Variants in DOCK7 observed in about 807,000 individuals in gnomAD.
DOCK7 encodes the protein dedicator of cytokinesis protein 7.
In DOCK7, 138 loss-of-function variants were observed where a neutral mutation model predicts 271.0. The observed-to-expected ratio is 0.51, with a 90% CI of 0.44 to 0.59. The LOEUF is 0.59. DOCK7 is among the 20% of genes least tolerant of loss of function. The pLI, the probability that DOCK7 is intolerant of heterozygous loss-of-function variation, is 0.00. For missense variants in DOCK7, 2,066 were observed against 2,592.4 expected, an observed-to-expected ratio of 0.80 and a Z score of 4.41; for synonymous variants, 823 against 876.1, an observed-to-expected ratio of 0.94 and a Z score of 1.07.
At chr1:62,631,489 G>A in intron 10 of DOCK7, 84 bp from the exon 11 acceptor site, 4 of 1,217,574 alleles carry the variant, frequency 3.3e-6, no homozygotes, top group Non-Finnish European at 3.4e-6. Context: ...AAAGGAAAAG[G>A]ATGAGAAGTC....
chr1:62,667,491 CAG>C (rs908160760), intron 1 of DOCK7, among the ~76,000 whole-genome samples: 1 of 152,170 alleles, frequency 6.6e-6, no homozygotes. Flanking sequence ...TGGGTTGTAT[CAG>C]AGTGTTAGAA....
Position 62,577,344 on chromosome 1 carries a change from T to C in DOCK7, c.2030A>G (p.Asn677Ser). Residue 677 changes from asparagine to serine, a missense_variant, in exon 18 of 50, where the codon AAT (asparagine) becomes AGT (serine). Around this residue, in one of 2 missense-constraint regions of DOCK7, gnomAD observed 1,414 missense variants for 1,670.4 expected, o/e 0.85. Coordinates refer to ENST00000635253, the MANE Select transcript of DOCK7 (RefSeq NM_001367561.1). Reference sequence around the variant, plus strand: ...AAACTGGCCAGTCTTCAACCGTCCATTCTGAAGCATTGGTATCCACTTTTA... The same window carrying C: ...AAACTGGCCAGTCTTCAACCGTCCACTCTGAAGCATTGGTATCCACTTTTA... ...VGYTWIPMLQ[N>S]GRLKTGQFCL... 6.3e-7 allele frequency: 1 copy of C among 1,579,406 alleles called. No homozygotes were observed. Among genetic ancestry groups the C allele is most frequent in the Non-Finnish European group, 8.6e-7 (1 of 1,159,570 alleles).
intron 14 of DOCK7, among the ~76,000 whole-genome samples, chr1:62,615,627 A>C (rs1652343340): frequency 6.6e-6 from 1 of 151,786 alleles, no homozygotes; most frequent in Non-Finnish European, 1.5e-5. Context: ...AGTAACTCTA[A>C]TCTTTATGAT....
intron 15 of DOCK7, 103 bp downstream of exon 15, chr1:62,586,404 A>C (rs996471243): frequency 2.6e-6 from 2 of 764,310 alleles, no homozygotes; most frequent in East Asian, 2.7e-5. Flanking sequence ...TTGGTTTAAA[A>C]GATCACATTA....
chr1:62,490,186 C>T (rs1321348622), intron 41 of DOCK7, among the ~76,000 whole-genome samples: 3 of 151,426 alleles, frequency 2.0e-5, no homozygotes, highest in Admixed American at 2.0e-4. Flanking sequence ...TCCTCCCACC[C>T]CAGCCTCCTA....
intron 48 of DOCK7, among the ~76,000 whole-genome samples, chr1:62,472,460 T>TG (rs1645859665): frequency 2.0e-5 from 3 of 152,176 alleles, no homozygotes; most frequent in Non-Finnish European, 2.9e-5. Context: ...ATAGTAACAC[T>TG]TAAGGAGACC....
Position 62,457,653 on chromosome 1 carries a change from C to A in DOCK7, c.6265G>T (p.Glu2089Ter), listed in dbSNP as rs587777485. 1 of 1,614,050 alleles carries A rather than the reference C, an allele frequency of 6.2e-7. No individual in the cohort carries two copies. The highest frequency in any genetic ancestry group is 1.3e-5 in the African/African-American group (1 of 74,928). The change falls in exon 49 of 50, where the codon GAG (glutamate) becomes TAG (stop). Residue 2089 changes from glutamate to a stop codon, truncating the protein, a stop_gained. Coordinates refer to ENST00000635253, the MANE Select transcript of DOCK7 (RefSeq NM_001367561.1). LOFTEE classifies it high-confidence loss of function. ...NKSLIGPDQK[E>*]YQRELERNYH... ...TTTCTCTCCAGTTCCCTTTGATACT[C>A]CTTTTGATCCGGCCCAATTAAGCTC... is the stretch of plus-strand genomic sequence containing the variant.
Position 62,654,066 on chromosome 1 carries a change from T to C in DOCK7, c.238A>G (p.Ile80Val). Residue 80 changes from isoleucine to valine, a missense_variant, in exon 3 of 50, where the codon ATT (isoleucine) becomes GTT (valine). By Grantham distance (29) the Ile-to-Val change is conservative. Coordinates refer to ENST00000635253, the MANE Select transcript of DOCK7 (RefSeq NM_001367561.1). The part of the protein sequence containing the change: ...AVDSGPLRDL[I>V]EFPPDDIEVV... ...TCAATATCATCTGGAGGAAATTCAA[T>C]CAAATCCCGTAAAGGCCCAGAATCC... 1.2e-6 allele frequency: 2 copies of C among 1,613,922 alleles called. No individual in the cohort carries two copies. The highest frequency in any genetic ancestry group is 1.7e-5 in the Admixed American group (1 of 59,984).
chr1:62,534,072 T>C (rs144644123), intron 29 of DOCK7, among the ~76,000 whole-genome samples: 2,053 of 152,070 alleles, frequency 0.014, 30 homozygotes, highest in East Asian at 0.045. Flanking sequence ...GATCTTGGCT[T>C]ACTGCAACCT....
At chr1:62,679,102 T>C (rs551712174) in intron 1 of DOCK7, among the ~76,000 whole-genome samples, 1 of 152,176 alleles carries the variant, frequency 6.6e-6, no homozygotes, top group African/African-American at 2.4e-5. Context: ...GGACAATCCA[T>C]TTAGAAAAAA....
At chr1:62,604,419 T>G in intron 14 of DOCK7, 2 of 895,190 alleles carry the variant, frequency 2.2e-6, no homozygotes, top group Admixed American at 2.8e-5. Flanking sequence ...ATTTTACCTC[T>G]AATCTTCCTC....
At chr1:62,490,066 T>TC (rs972979483) in intron 41 of DOCK7, among the ~76,000 whole-genome samples, 1 of 150,344 alleles carries the variant, frequency 6.7e-6, no homozygotes, top group Non-Finnish European at 1.5e-5. Flanking sequence ...TATCCTTTTT[T>TC]TTTTTTTTTT....
chr1:62,465,555 G>A (rs1050891735), intron 48 of DOCK7, among the ~76,000 whole-genome samples: 1 of 152,006 alleles, frequency 6.6e-6, no homozygotes, highest in Non-Finnish European at 1.5e-5. Context: ...TTTTGTTGTT[G>A]TTGTTTGTTT....
intron 4 of DOCK7, among the ~76,000 whole-genome samples, chr1:62,653,340 C>T (rs1025010102): frequency 6.6e-6 from 1 of 152,162 alleles, no homozygotes; most frequent in African/African-American, 2.4e-5. Context: ...ATAGCTTGGT[C>T]TGTAAAACTG....
chr1:62,492,152 G>A (rs572116305), intron 41 of DOCK7, among the ~76,000 whole-genome samples: 2 of 152,106 alleles, frequency 1.3e-5, no homozygotes, highest in East Asian at 3.9e-4. Context: ...CCAGGAGTTT[G>A]AGGCCGCAGT....
At chr1:62,653,652 T>C in intron 4 of DOCK7, 73 bp downstream of exon 4, 1 of 996,058 alleles carries the variant, frequency 1.0e-6, no homozygotes, top group Non-Finnish European at 1.6e-6. Context: ...CTCATAAACA[T>C]TACGAATCTG....
chr1:62,658,368 C>A (rs1658277653), intron 2 of DOCK7, among the ~76,000 whole-genome samples: 1 of 151,604 alleles, frequency 6.6e-6, no homozygotes, highest in Non-Finnish European at 1.5e-5. Flanking sequence ...GCATGAGAAT[C>A]GCTTGAATCT....
intron 7 of DOCK7, among the ~76,000 whole-genome samples, chr1:62,646,853 C>T (rs1038691562): frequency 1.3e-5 from 2 of 152,132 alleles, no homozygotes; most frequent in African/African-American, 4.8e-5. Flanking sequence ...ATACATACCA[C>T]TAACTTGTAT....
chr1:62,657,117 TG>T (rs1365908652), intron 2 of DOCK7, among the ~76,000 whole-genome samples: 1 of 152,162 alleles, frequency 6.6e-6, no homozygotes, highest in Non-Finnish European at 1.5e-5. Flanking sequence ...CTTTATCACT[TG>T]GGAACTGTCA....
Sources: allele counts gnomAD v4.1 joint callset (sites outside exome capture counted in the v4.1 genomes callset), GRCh38; gene constraint gnomAD v4.1.1; regional missense constraint gnomAD v4.1.1; transcripts MANE v1.5; gene names NCBI Gene and HGNC (gene_info 2026-07-23, HGNC 2026-07-21).